Variants in SNTG1 observed in about 807,000 individuals in gnomAD.
The protein encoded by SNTG1 is syntrophin gamma 1, also known as gamma-1-syntrophin.
A neutral mutation model predicts 74.7 loss-of-function variants in SNTG1; 39 were observed. The observed-to-expected ratio is 0.52, with a 90% CI of 0.40 to 0.68. SNTG1 has a LOEUF of 0.68. Among genes scored for constraint, SNTG1 ranks in the 30% least tolerant of loss-of-function variants. The pLI is 0.00. For missense variants in SNTG1, 685 were observed against 609.5 expected (o/e 1.12, Z -1.30); for synonymous variants, 254 against 217.1 (o/e 1.17, Z -1.49).
chr8:50,265,132 G>A (rs1423993628), intron 2 of SNTG1, among the ~76,000 whole-genome samples: 1 of 152,006 alleles, frequency 6.6e-6, no homozygotes, highest in Non-Finnish European at 1.5e-5. Context: ...CTCATTCTGT[G>A]AGGTTATTAA....
At chr8:50,060,538 T>C (rs1820381495) in intron 1 of SNTG1, among the ~76,000 whole-genome samples, 1 of 152,046 alleles carries the variant, frequency 6.6e-6, no homozygotes, top group Non-Finnish European at 1.5e-5. Context: ...GTGTGATTTA[T>C]GGGGATTTCT....
chr8:50,703,925 T>C (rs1195616469), intron 15 of SNTG1, among the ~76,000 whole-genome samples: 2 of 152,190 alleles, frequency 1.3e-5, no homozygotes, highest in Admixed American at 6.5e-5. Flanking sequence ...CATGTTGCAT[T>C]GGGTTACTCT....
intron 15 of SNTG1, among the ~76,000 whole-genome samples, chr8:50,678,188 A>G (rs950662711): frequency 7.2e-5 from 11 of 152,052 alleles, no homozygotes; most frequent in Admixed American, 3.3e-4. Flanking sequence ...AATAATATCA[A>G]AATCTATTAT....
intron 1 of SNTG1, among the ~76,000 whole-genome samples, chr8:49,955,556 G>A (rs1265700815): frequency 2.0e-5 from 3 of 152,164 alleles, no homozygotes; most frequent in Admixed American, 6.5e-5. Flanking sequence ...TCTTTAATGG[G>A]AAATGAATTA....
At chr8:50,572,266 A>T (rs1233756404) in intron 12 of SNTG1, among the ~76,000 whole-genome samples, 6 of 149,478 alleles carry the variant, frequency 4.0e-5, no homozygotes, top group African/African-American at 1.2e-4. Flanking sequence ...TTTTATATAT[A>T]TATATATATA....
At chr8:49,918,703 A>G (rs1335830305) in intron 1 of SNTG1, among the ~76,000 whole-genome samples, 2 of 152,104 alleles carry the variant, frequency 1.3e-5, no homozygotes, top group Non-Finnish European at 2.9e-5. Flanking sequence ...GGTTTGATAT[A>G]TGGCAATTTT....
intron 15 of SNTG1, among the ~76,000 whole-genome samples, chr8:50,688,222 T>G (rs191381454): frequency 8.5e-4 from 129 of 152,318 alleles, no homozygotes; most frequent in East Asian, 2.9e-3. Flanking sequence ...TTCACTCTGA[T>G]GGTAGTTTCT....
chr8:50,399,141 T>C (rs570514930), intron 3 of SNTG1, among the ~76,000 whole-genome samples: 28 of 152,336 alleles, frequency 1.8e-4, no homozygotes, highest in Admixed American at 1.7e-3. Context: ...AAATGTATTT[T>C]AACTGATCTG....
rs1298386337 is a variant in SNTG1 at position 50,707,714 on chromosome 8, T to C, written c.1192-1172T>C. 5.5e-5 allele frequency among the ~76,000 whole-genome samples: 4 copies of C among 72,320 alleles called. No individual in the cohort carries two copies. In the African/African-American group the frequency reaches 6.6e-4, roughly 12 times the overall value. 47.4% of individuals were successfully genotyped at this position (72,320 alleles called of 152,430 possible). A position where few individuals can be genotyped will look rare whatever the true frequency, so the allele number is the denominator to read the frequency against. On this transcript the variant is annotated intron_variant, in intron 16 of 18. Transcript: ENST00000642720. ...CCTTTTTTTCTTCTCTCTCTTTGTC[T>C]CTATTTCTCTCTCATCTTGTACATG...
At chr8:50,587,199 CATACATATATGTAT>C (rs969393181) in intron 12 of SNTG1, among the ~76,000 whole-genome samples, 7 of 151,452 alleles carry the variant, frequency 4.6e-5, no homozygotes, top group African/African-American at 1.5e-4. Flanking sequence ...TATATGCATA[CATACATATATGTAT>C]ATACATATAT....
intron 1 of SNTG1, among the ~76,000 whole-genome samples, chr8:50,059,256 A>T (rs1327745555): frequency 6.6e-6 from 1 of 152,134 alleles, no homozygotes; most frequent in Non-Finnish European, 1.5e-5. Flanking sequence ...ACTGAGATAA[A>T]TGTTCATCAT....
At chr8:50,532,051 T>A (rs928130286) in intron 10 of SNTG1, among the ~76,000 whole-genome samples, 1 of 152,240 alleles carries the variant, frequency 6.6e-6, no homozygotes, top group African/African-American at 2.4e-5. Flanking sequence ...AATTCAGTTT[T>A]ATAAAATTAA....
intron 13 of SNTG1, among the ~76,000 whole-genome samples, chr8:50,643,458 G>C (rs1667101141): frequency 6.6e-6 from 1 of 152,188 alleles, no homozygotes; most frequent in Non-Finnish European, 1.5e-5. Flanking sequence ...GGAAGCAGCT[G>C]GCAAGAGGGG....
At chr8:50,395,989 T>C (rs1249199682) in intron 3 of SNTG1, among the ~76,000 whole-genome samples, 1 of 152,196 alleles carries the variant, frequency 6.6e-6, no homozygotes, top group Admixed American at 6.5e-5. Context: ...AGTGGTCAAA[T>C]ACTATTTAAC....
intron 8 of SNTG1, chr8:50,458,114 T>C (rs1385540583): frequency 2.0e-5 from 3 of 152,128 alleles, no homozygotes; most frequent in Non-Finnish European, 4.4e-5. Context: ...TGCTTTTCAG[T>C]GTCTCACTCT....
intron 4 of SNTG1, among the ~76,000 whole-genome samples, chr8:50,403,516 A>C (rs1488785526): frequency 1.3e-5 from 2 of 152,210 alleles, no homozygotes; most frequent in African/African-American, 2.4e-5. Context: ...CCTCTAGAAT[A>C]AATATATCAC....
intron 2 of SNTG1, among the ~76,000 whole-genome samples, chr8:50,237,207 A>G (rs529446556): frequency 6.6e-6 from 1 of 151,998 alleles, no homozygotes; most frequent in African/African-American, 2.4e-5. Flanking sequence ...TCTCACAGTC[A>G]GGATTTGTTT....
chr8:50,176,497 C>A (rs2083004198), intron 2 of SNTG1, among the ~76,000 whole-genome samples: 1 of 152,144 alleles, frequency 6.6e-6, no homozygotes, highest in Admixed American at 6.5e-5. Context: ...TCTCTTGTTT[C>A]CTGGATCTGA....
At chr8:50,569,258 G>A (rs903715214) in intron 12 of SNTG1, among the ~76,000 whole-genome samples, 2 of 152,128 alleles carry the variant, frequency 1.3e-5, no homozygotes, top group East Asian at 1.9e-4. Flanking sequence ...GAAAAAGCAC[G>A]GATAGCCAGT....
Sources: gnomAD v4.1 joint callset for allele counts (sites outside exome capture counted in the v4.1 genomes callset) on GRCh38, gnomAD v4.1.1 for gene constraint, MANE v1.5 for transcripts, NCBI Gene and HGNC (gene_info 2026-07-23, HGNC 2026-07-21) for gene names.